PAX5: variants seen among roughly 807,000 people sequenced by gnomAD.
PAX5 encodes paired box 5, also known as paired box protein Pax-5.
A neutral mutation model predicts 43.7 loss-of-function variants in PAX5; 9 were observed. The observed-to-expected ratio is 0.21, with a 90% CI of 0.12 to 0.36. The LOEUF (loss-of-function observed/expected upper bound fraction) is 0.36, where lower values mean the gene tolerates loss of function less well. PAX5 is among the 10% of genes least tolerant of loss of function. PAX5 has a pLI of 1.00. For synonymous variants in PAX5, 228 were observed against 214.3 expected (o/e 1.06, Z -0.56); for missense variants, 383 against 532.7 (o/e 0.72, Z 2.77).
rs188064305 is a variant in PAX5, at chr9:36,837,227, C to T, written c.*3333G>A. The T allele has an allele frequency of 4.3e-6, 1 of 233,164 alleles. No homozygotes were observed. The highest frequency in any genetic ancestry group is 5.6e-5 in the Admixed American group (1 of 17,792). 14.4% of individuals were successfully genotyped at this position (233,164 alleles called of 1,614,324 possible). On this transcript the variant is annotated 3_prime_UTR_variant, in exon 10 of 10. Transcript: ENST00000358127. ...CCGTGAGAGCCCCAAATGTCAATTT[C>T]CCCGTCTATAAAGTAGGCATCATGC...
intron 6 of PAX5, among the ~76,000 whole-genome samples, chr9:36,946,273 A>G (rs1832514012): frequency 6.6e-6 from 1 of 152,234 alleles, no homozygotes; most frequent in South Asian, 2.1e-4. Context: ...GAACTCCGCA[A>G]TGCCAAGCAG....
chr9:36,965,995 C>T lies in PAX5; in HGVS notation c.780+554G>A, dbSNP rs149547387. ...CAGGGCTGGTCCTCCTGCTTTCTCC[C>T]TCTCTTGCAAATAACCCAGGTGGGA... On this transcript the variant is annotated intron_variant, in intron 6 of 9. Transcript: ENST00000358127. Among the ~76,000 whole-genome samples, 38 of 152,346 alleles carry T rather than the reference C, an allele frequency of 2.5e-4. No individual in the cohort carries two copies. In the East Asian group the frequency reaches 6.9e-3, roughly 28 times the overall value.
At chr9:36,953,739 T>C (rs1367440453) in intron 6 of PAX5, among the ~76,000 whole-genome samples, 1 of 152,214 alleles carries the variant, frequency 6.6e-6, no homozygotes, top group African/African-American at 2.4e-5. Flanking sequence ...GTTTACTTTT[T>C]CCATTACAGT....
chr9:36,905,818 T>C (rs1268141595), intron 7 of PAX5, among the ~76,000 whole-genome samples: 1 of 152,196 alleles, frequency 6.6e-6, no homozygotes, highest in African/African-American at 2.4e-5. Context: ...GTGTCTGACT[T>C]TGGGAGAACT....
intron 6 of PAX5, among the ~76,000 whole-genome samples, chr9:36,959,323 A>G (rs1477448213): frequency 6.6e-6 from 1 of 152,246 alleles, no homozygotes; most frequent in East Asian, 1.9e-4. Context: ...GCATGCCTCC[A>G]GCAATGGGAA....
chr9:37,001,301 G>T (rs1042423000), intron 5 of PAX5, among the ~76,000 whole-genome samples: 22 of 152,290 alleles, frequency 1.4e-4, no homozygotes, highest in Middle Eastern at 3.4e-3. Context: ...GCCTCTGGGG[G>T]AGTCTCACAC....
intron 1 of PAX5, among the ~76,000 whole-genome samples, chr9:37,026,080 G>A (rs1015886440): frequency 6.6e-6 from 1 of 152,196 alleles, no homozygotes; most frequent in African/African-American, 2.4e-5. Flanking sequence ...ATACAGACAC[G>A]GGTCAGGGCC....
At position 36,921,604 on chromosome 9, in the gene PAX5, T is replaced by G. The variant is rs763533838; in HGVS notation, c.910+1751A>C. 3.9e-5 allele frequency among the ~76,000 whole-genome samples: 6 copies of G among 152,220 alleles called. No homozygotes were observed. The East Asian group carries it at 9.6e-4, about 24-fold the overall frequency. ...ATCATAACGGTCCCACCTCCCAGGA[T>G]TCCTCTGAAGATAAAGTGAGTTCAC... On this transcript the variant is annotated intron_variant, in intron 7 of 9. Transcript: ENST00000358127.
rs1200393826 is a variant in PAX5 at position 36,837,408 on chromosome 9, T to C, written c.*3152A>G. Reference sequence around the variant, plus strand: ...GAGCTAGACTGATGGTATGAGAAATTTTCATAAAATCCACAATGTCCTTTT... The same window carrying C: ...GAGCTAGACTGATGGTATGAGAAATCTTCATAAAATCCACAATGTCCTTTT... On this transcript the variant is annotated 3_prime_UTR_variant, in exon 10 of 10. Transcript: ENST00000358127. 1.3e-5 allele frequency: 3 copies of C among 233,096 alleles called. No individual in the cohort carries two copies. The allele number at this position is 233,096 out of a possible 1,614,324, so 14.4% of individuals were successfully genotyped here.
At chr9:36,917,406 A>G (rs1829809116) in intron 7 of PAX5, among the ~76,000 whole-genome samples, 2 of 152,238 alleles carry the variant, frequency 1.3e-5, no homozygotes, top group Non-Finnish European at 2.9e-5. Context: ...CTGAACCCCA[A>G]CCACCACGAC....
At chr9:37,002,797 G>A (rs1838017629) in intron 4 of PAX5, 21 bp from the exon 5 acceptor site, 1 of 1,600,246 alleles carries the variant, frequency 6.2e-7, no homozygotes, top group Non-Finnish European at 8.5e-7. Context: ...AAAGACGGGC[G>A]GTCAGGGCCG....
intron 8 of PAX5, among the ~76,000 whole-genome samples, chr9:36,880,906 C>G (rs1008345171): frequency 6.6e-6 from 1 of 152,194 alleles, no homozygotes; most frequent in African/African-American, 2.4e-5. Flanking sequence ...TGCCCAGAGA[C>G]AGTCAAGAGT....
intron 5 of PAX5, among the ~76,000 whole-genome samples, chr9:36,973,398 G>A (rs1835142845): frequency 6.6e-6 from 1 of 152,164 alleles, no homozygotes; most frequent in Non-Finnish European, 1.5e-5. Context: ...GGAGTACAGA[G>A]CTGGGGTGAC....
At position 36,945,900 on chromosome 9, in the gene PAX5, C is replaced by G. The variant is rs562438132; in HGVS notation, c.780+20649G>C. ...AATTTAATGAGTTAATACAGGCAAA[C>G]TGCCCAGATCAGTGCCTGGCACATC... On this transcript the variant is annotated intron_variant, in intron 6 of 9. Transcript: ENST00000358127. Among the ~76,000 whole-genome samples the G allele has an allele frequency of 2.0e-4, 30 of 152,372 alleles. 1 individual carries two copies. In the South Asian group the frequency reaches 6.0e-3, roughly 30 times the overall value.
intron 7 of PAX5, among the ~76,000 whole-genome samples, chr9:36,905,517 C>T (rs1039854194): frequency 2.6e-5 from 4 of 152,164 alleles, no homozygotes; most frequent in Admixed American, 6.5e-5. Context: ...AGCAGACTGC[C>T]GCCACCTCTG....
At chr9:36,962,488 C>CG (rs1243963387) in intron 6 of PAX5, among the ~76,000 whole-genome samples, 1 of 152,156 alleles carries the variant, frequency 6.6e-6, no homozygotes, top group Non-Finnish European at 1.5e-5. Flanking sequence ...GCATTTGCCT[C>CG]GGGGGTCCAA....
chr9:36,966,572 T>G lies in PAX5; in HGVS notation c.757A>C (p.Thr253Pro). Residue 253 changes from threonine to proline, a missense_variant, in exon 6 of 10, where the codon ACA becomes CCA. By Grantham distance (38) the Thr-to-Pro change is conservative (BLOSUM62 -1). This residue lies in a region of PAX5 where 291 missense variants were observed against 342.5 expected (regional missense o/e 0.85). Transcript: ENST00000358127. ...RQHYSDIFTT[T>P]EPIKPEQTTE... is the part of the protein sequence containing the mutation. ...ACCTGCTCGGGCTTGATGGGCTCTGTGGTGGTGAAGATGTCTGAGTAGTGC... is the reference window on the plus strand; with the variant it reads ...ACCTGCTCGGGCTTGATGGGCTCTGGGGTGGTGAAGATGTCTGAGTAGTGC... 1 of 1,614,028 alleles carries G rather than the reference T, an allele frequency of 6.2e-7. No homozygotes were observed. Among genetic ancestry groups the G allele is most frequent in the African/African-American group, 1.3e-5 (1 of 75,026 alleles).
intron 3 of PAX5, chr9:37,008,176 C>A (rs775423937): frequency 3.3e-5 from 5 of 152,318 alleles, no homozygotes; most frequent in Non-Finnish European, 7.3e-5. Context: ...TCTCCTGCCT[C>A]AGCCTCCCGA....
rs1406553873 is a variant in PAX5 at position 36,840,547 on chromosome 9, C to T, written c.*13G>A. On this transcript the variant is annotated 3_prime_UTR_variant, in exon 10 of 10. Coordinates refer to ENST00000358127, the MANE Select transcript of PAX5 (RefSeq NM_016734.3). Reference sequence around the variant, plus strand: ...GGTGCCATCAGTGTTTGGTGCCCGCCTGGCTCCAAGGGTCAGTGACGGTCA... The same window carrying T: ...GGTGCCATCAGTGTTTGGTGCCCGCTTGGCTCCAAGGGTCAGTGACGGTCA... 1.3e-6 allele frequency: 2 copies of T among 1,579,116 alleles called. No individual in the cohort carries two copies. Among genetic ancestry groups the T allele is most frequent in the Non-Finnish European group, 1.7e-6 (2 of 1,163,278 alleles).
Sources: allele counts gnomAD v4.1 joint callset (sites outside exome capture counted in the v4.1 genomes callset), GRCh38; gene constraint gnomAD v4.1.1; regional missense constraint gnomAD v4.1.1; transcripts MANE v1.5; gene names NCBI Gene and HGNC (gene_info 2026-07-23, HGNC 2026-07-21).